SUPT3H: variants seen among roughly 807,000 people sequenced by gnomAD.
SUPT3H encodes the protein SPT3 homolog, SAGA and STAGA complex component, also known as transcription initiation protein SPT3 homolog.
A neutral mutation model predicts 44.3 loss-of-function variants in SUPT3H; 44 were observed. That is an observed-to-expected ratio of 0.99 (90% CI 0.78 to 1.28). The LOEUF (loss-of-function observed/expected upper bound fraction) is 1.28, where lower values mean the gene tolerates loss of function less well. Among genes scored for constraint, SUPT3H ranks in the 50% most tolerant of loss-of-function variants. The probability of loss-of-function intolerance (pLI) is 0.00; values close to 1 mark genes in which losing one functional copy is unlikely to be tolerated. For synonymous variants in SUPT3H, 124 were observed against 125.6 expected (o/e 0.99, Z 0.09); for missense variants, 380 against 387.1 (o/e 0.98, Z 0.15).
intron 2 of SUPT3H, among the ~76,000 whole-genome samples, chr6:45,139,020 G>C (rs1467289036): frequency 1.3e-5 from 2 of 151,982 alleles, no homozygotes; most frequent in Non-Finnish European, 2.9e-5. Flanking sequence ...AATTGTAGAA[G>C]AAAAAAATTC....
chr6:45,241,030 A>G (rs1436692971), intron 2 of SUPT3H, among the ~76,000 whole-genome samples: 2 of 152,182 alleles, frequency 1.3e-5, no homozygotes, highest in Admixed American at 6.5e-5. Flanking sequence ...AAAAAGGATA[A>G]AAACACTTGG....
intron 10 of SUPT3H, among the ~76,000 whole-genome samples, chr6:44,862,888 C>T (rs1774900028): frequency 6.6e-6 from 1 of 151,982 alleles, no homozygotes. Flanking sequence ...AATTTAATTT[C>T]AAAAACTAAA....
intron 2 of SUPT3H, among the ~76,000 whole-genome samples, chr6:45,169,166 T>G (rs946618951): frequency 6.6e-6 from 1 of 152,182 alleles, no homozygotes; most frequent in African/African-American, 2.4e-5. Context: ...CCCAACTCAT[T>G]CATTTACAGA....
intron 10 of SUPT3H, among the ~76,000 whole-genome samples, chr6:44,890,647 T>C (rs894874500): frequency 1.4e-5 from 2 of 147,572 alleles, no homozygotes; most frequent in African/African-American, 5.0e-5. Flanking sequence ...TTAGGAGACG[T>C]ACCTAATGCT....
chr6:45,291,306 C>T (rs1407358682), intron 2 of SUPT3H, among the ~76,000 whole-genome samples: 5 of 152,266 alleles, frequency 3.3e-5, no homozygotes, highest in East Asian at 3.9e-4. Flanking sequence ...CAGCCTTTAG[C>T]GCTAGACCTT....
At chr6:45,002,752 G>A (rs1782172564) in intron 6 of SUPT3H, among the ~76,000 whole-genome samples, 1 of 152,016 alleles carries the variant, frequency 6.6e-6, no homozygotes, top group African/African-American at 2.4e-5. Context: ...ATCCAAGCCT[G>A]CTAATTCTTT....
chr6:45,051,244 T>C (rs1227774962), intron 3 of SUPT3H, among the ~76,000 whole-genome samples: 1 of 151,958 alleles, frequency 6.6e-6, no homozygotes, highest in Non-Finnish European at 1.5e-5. Context: ...ACAGTTAAGC[T>C]ACAATATGGG....
chr6:45,237,939 G>T (rs745705376), intron 2 of SUPT3H, among the ~76,000 whole-genome samples: 4 of 152,118 alleles, frequency 2.6e-5, no homozygotes, highest in Non-Finnish European at 5.9e-5. Flanking sequence ...GTCTTTAATT[G>T]TCATAGATTT....
chr6:44,941,134 TTTG>T (rs370623528), intron 9 of SUPT3H, among the ~76,000 whole-genome samples: 68 of 152,264 alleles, frequency 4.5e-4, no homozygotes, highest in African/African-American at 1.6e-3. Context: ...TGATAAATTC[TTTG>T]TTTCTTTTTC....
At chr6:44,990,680 C>G (rs1780489866) in intron 6 of SUPT3H, among the ~76,000 whole-genome samples, 2 of 152,146 alleles carry the variant, frequency 1.3e-5, no homozygotes, top group African/African-American at 4.8e-5. Flanking sequence ...GGCTTCACTT[C>G]TTCATCCATT....
chr6:44,946,003 G>C (rs1222891926), intron 9 of SUPT3H, among the ~76,000 whole-genome samples: 3 of 152,104 alleles, frequency 2.0e-5, no homozygotes, highest in Admixed American at 6.6e-5. Context: ...GTTTTAGCTA[G>C]TGTTCATGTA....
chr6:45,096,272 G>A (rs1797769867), intron 3 of SUPT3H, among the ~76,000 whole-genome samples: 1 of 152,088 alleles, frequency 6.6e-6, no homozygotes, highest in Non-Finnish European at 1.5e-5. Flanking sequence ...ACTTATGTAA[G>A]AGTTGGTTTA....
intron 10 of SUPT3H, among the ~76,000 whole-genome samples, chr6:44,908,144 T>C (rs1340069653): frequency 2.7e-5 from 4 of 150,758 alleles, no homozygotes; most frequent in Non-Finnish European, 4.4e-5. Context: ...AAATAACTTT[T>C]TTTTCTTTTC....
chr6:45,244,058 A>G (rs540677830), intron 2 of SUPT3H, among the ~76,000 whole-genome samples: 1 of 151,888 alleles, frequency 6.6e-6, no homozygotes, highest in African/African-American at 2.4e-5. Flanking sequence ...ATTTTTTTCT[A>G]TTTTTTGTAG....
chr6:45,143,948 A>T (rs1427133737), intron 2 of SUPT3H, among the ~76,000 whole-genome samples: 1 of 152,134 alleles, frequency 6.6e-6, no homozygotes, highest in East Asian at 1.9e-4. Flanking sequence ...AAATCTAGAG[A>T]GACGGAAAAA....
At chr6:45,048,809 G>C (rs546332268) in intron 3 of SUPT3H, among the ~76,000 whole-genome samples, 1 of 152,138 alleles carries the variant, frequency 6.6e-6, no homozygotes, top group South Asian at 2.1e-4. Context: ...AATGCCACAT[G>C]ATCTCATATG....
Position 45,280,762 on chromosome 6 carries a change from G to T in SUPT3H, c.101+84439C>A, listed in dbSNP as rs540031117. 3.3e-5 allele frequency among the ~76,000 whole-genome samples: 5 copies of T among 152,026 alleles called. No individual in the cohort carries two copies. In the East Asian group the frequency reaches 9.7e-4, roughly 29 times the overall value. ...GGCTTCACCTAGAGTGGTAACCATG[G>T]GATAAAATATATGGGCAAATTATTA... On this transcript the variant is annotated intron_variant, in intron 2 of 10. Coordinates refer to ENST00000371459, the MANE Select transcript of SUPT3H (RefSeq NM_003599.4).
At chr6:44,997,478 T>C (rs1182799560) in intron 6 of SUPT3H, among the ~76,000 whole-genome samples, 6 of 151,878 alleles carry the variant, frequency 4.0e-5, no homozygotes, top group African/African-American at 1.4e-4. Context: ...GAATTTATTA[T>C]TGAGTATTAC....
chr6:45,028,684 C>CA (rs1417756201), intron 3 of SUPT3H, among the ~76,000 whole-genome samples: 1 of 151,882 alleles, frequency 6.6e-6, no homozygotes, highest in African/African-American at 2.4e-5. Flanking sequence ...ACCTTCACAG[C>CA]AAACTTATGA....
Sources: allele counts gnomAD v4.1 joint callset (sites outside exome capture counted in the v4.1 genomes callset), GRCh38; gene constraint gnomAD v4.1.1; transcripts MANE v1.5; gene names NCBI Gene and HGNC (gene_info 2026-07-23, HGNC 2026-07-21).